NPHP3: variants seen among roughly 807,000 people sequenced by gnomAD.
The protein encoded by NPHP3 is nephrocystin 3.
Under a neutral mutation model 171.9 loss-of-function variants are expected in NPHP3, and 123 were observed. The ratio of observed to expected loss-of-function variants is 0.72; its 90% CI spans 0.62 to 0.83. The LOEUF is 0.83. Among genes scored for constraint, NPHP3 ranks in the 40% least tolerant of loss-of-function variants. NPHP3 has a pLI of 0.00. For missense variants in NPHP3, 1,506 were observed against 1,591.9 expected (o/e 0.95, Z 0.92); for synonymous variants, 558 against 579.2 (o/e 0.96, Z 0.52).
chr3:132,683,622 T>A lies in NPHP3; in HGVS notation c.3571-98A>T. ...GTAAAATTTCATATTAAAGGGTAAT[T>A]TTGAGGGAAAAAAATCTCAGAAGCA... On this transcript the variant is annotated intron_variant, in intron 24 of 26. Transcript: ENST00000337331. 3 of 962,166 alleles carry A rather than the reference T, an allele frequency of 3.1e-6. No individual in the cohort carries two copies. In the South Asian group the frequency reaches 4.8e-5, roughly 15 times the overall value. The allele number at this position is 962,166 out of a possible 1,614,324, so 59.6% of individuals were successfully genotyped here.
intron 3 of NPHP3, chr3:132,718,237 A>G (rs1940110155): frequency 3.6e-6 from 1 of 277,552 alleles, no homozygotes; most frequent in East Asian, 1.4e-4. Flanking sequence ...TTTCCACTGC[A>G]TTTTAAAATA....
intron 10 of NPHP3, among the ~76,000 whole-genome samples, 177 bp from the exon 11 acceptor site, chr3:132,700,625 T>C (rs1364997694): frequency 6.6e-6 from 1 of 152,196 alleles, no homozygotes; most frequent in Non-Finnish European, 1.5e-5. Flanking sequence ...TCCTTCTAAA[T>C]AATCTTTTAA....
At chr3:132,697,008 T>C (rs1452857173) in intron 14 of NPHP3, among the ~76,000 whole-genome samples, 195 bp from the exon 15 acceptor site, 4 of 152,230 alleles carry the variant, frequency 2.6e-5, no homozygotes, top group Non-Finnish European at 5.9e-5. Flanking sequence ...ATATGGCCAG[T>C]ATGAAAATGC....
chr3:132,687,135 A>G lies in NPHP3; in HGVS notation c.3201+16T>C. On this transcript the variant is annotated intron_variant, in intron 22 of 26. Transcript: ENST00000337331. ...TCTTACGTTCAAAACACAACACAAA[A>G]GAAATCTCTCCTTACCAAGTTGCCT... 7.8e-7 allele frequency: 1 copy of G among 1,289,984 alleles called. No individual in the cohort carries two copies. The highest frequency in any genetic ancestry group is 1.1e-6 in the Non-Finnish European group (1 of 887,250). The allele number at this position is 1,289,984 out of a possible 1,614,324, so 79.9% of individuals were successfully genotyped here. A position where few individuals can be genotyped will look rare whatever the true frequency, so the allele number is the denominator to read the frequency against.
At chr3:132,716,050 A>T (rs1940041802) in intron 4 of NPHP3, among the ~76,000 whole-genome samples, 1 of 132,118 alleles carries the variant, frequency 7.6e-6, no homozygotes, top group African/African-American at 3.1e-5. Context: ...CCAACACAAC[A>T]TTGTAAGACT....
intron 24 of NPHP3, 33 bp from the exon 25 acceptor site, chr3:132,683,557 T>C: frequency 6.4e-7 from 1 of 1,571,476 alleles, no homozygotes; most frequent in Non-Finnish European, 8.7e-7. Flanking sequence ...AACAAAAATA[T>C]AAGGCAATAA....
intron 7 of NPHP3, 27 bp downstream of exon 7, chr3:132,708,073 GT>G (rs1009652762): frequency 6.2e-7 from 1 of 1,611,630 alleles, no homozygotes; most frequent in African/African-American, 1.3e-5. Context: ...AGCTAAGTGT[GT>G]TTTTCAAAAA....
chr3:132,704,193 C>G lies in NPHP3; in HGVS notation c.1524+5G>C. 6.2e-7 allele frequency: 1 copy of G among 1,614,020 alleles called. No individual in the cohort carries two copies. The highest frequency in any genetic ancestry group is 8.5e-7 in the Non-Finnish European group (1 of 1,179,864). On this transcript the variant is annotated splice_donor_5th_base_variant and intron_variant, in intron 9 of 26. Coordinates refer to ENST00000337331, the MANE Select transcript of NPHP3 (RefSeq NM_153240.5). ...CTTTGTTGCAATAATACTCCAAGCA[C>G]TTACTTTCTCAAATCCCAACTCATG... is the stretch of plus-strand genomic sequence containing the variant.
Position 132,694,969 on chromosome 3 carries a change from T to G in NPHP3, c.2172-4A>C, listed in dbSNP as rs375032661. 4 of 1,613,670 alleles carry G rather than the reference T, an allele frequency of 2.5e-6. No individual in the cohort carries two copies. The South Asian group carries it at 4.4e-5, about 18-fold the overall frequency. On this transcript the variant is annotated splice_region_variant and splice_polypyrimidine_tract_variant and intron_variant, in intron 15 of 26. Coordinates refer to ENST00000337331, the MANE Select transcript of NPHP3 (RefSeq NM_153240.5). The stretch of plus-strand genomic sequence containing the variant: ...TAAATTGCCTGCTCTCCCAGCACTG[T>G]TGGAATCGAGAAGAGATTTAATTTC...
intron 13 of NPHP3, among the ~76,000 whole-genome samples, chr3:132,697,679 T>C (rs1939491960): frequency 6.6e-6 from 1 of 152,202 alleles, no homozygotes; most frequent in Admixed American, 6.5e-5. Context: ...TGAGTATCTA[T>C]GAGGAGTGGC....
chr3:132,696,751 A>C lies in NPHP3; in HGVS notation c.2151T>G (p.Leu717=). 6.2e-7 allele frequency: 1 copy of C among 1,614,158 alleles called. No homozygotes were observed. Among genetic ancestry groups the C allele is most frequent in the African/African-American group, 1.3e-5 (1 of 75,052 alleles). The stretch of plus-strand genomic sequence containing the variant: ...CTCACCGCGCGATCATTTTGCCGAA[A>C]AGGGTGACATAAAGGGCATTGCAGG... ...ATTCNALYVT[L]FGKMIARAGR... is the part of the protein sequence containing the mutation. Residue 717 remains leucine, a synonymous_variant, in exon 15 of 27, where the codon CTT becomes CTG. Transcript: ENST00000337331.
chr3:132,699,865 G>A (rs770920135), intron 12 of NPHP3, 53 bp downstream of exon 12: 8 of 1,579,148 alleles, frequency 5.1e-6, no homozygotes, highest in East Asian at 2.2e-5. Context: ...AGCTATTACT[G>A]AATTTACATC....
At chr3:132,690,911 C>T (rs1385776434) in intron 18 of NPHP3, among the ~76,000 whole-genome samples, 1 of 151,950 alleles carries the variant, frequency 6.6e-6, no homozygotes, top group Non-Finnish European at 1.5e-5. Flanking sequence ...CTCAATGGAC[C>T]CGTATATACA....
In NPHP3 at chr3:132,719,124, T is replaced by C. The variant is rs1337483799; in HGVS notation, c.540A>G (p.Glu180=). ...CCCTCAGTAAGTCCTGAATTTCATT[T>C]TCTTTGGTCTCCCTAAAAATCTTTA... ...RQFKIFRETK[E]NEIQDLLRAK... Residue 180 remains glutamate, a synonymous_variant, in exon 3 of 27, where the codon GAA becomes GAG. Coordinates refer to ENST00000337331, the MANE Select transcript of NPHP3 (RefSeq NM_153240.5). 1.2e-6 allele frequency: 2 copies of C among 1,611,588 alleles called. No homozygotes were observed. The highest frequency in any genetic ancestry group is 1.7e-6 in the Non-Finnish European group (2 of 1,179,100).
rs139196419 is a variant in NPHP3 at position 132,688,862 on chromosome 3, C to T, written c.2913G>A (p.Glu971=). 2 of 1,614,058 alleles carry T rather than the reference C, an allele frequency of 1.2e-6. No individual in the cohort carries two copies. The highest frequency in any genetic ancestry group is 1.7e-5 in the Admixed American group (1 of 60,004). ...QAIVPLQRSL[E]IRETALDPDH... ...CGGGATCTAAAGCTGTTTCTCGAAT[C>T]TCTAAAGACCTCTGCAAAGGTACTA... is the stretch of plus-strand genomic sequence containing the variant. The change falls in exon 21 of 27, where the codon GAG becomes GAA. Residue 971 remains glutamate (E), a synonymous_variant. Transcript: ENST00000337331.
chr3:132,707,991 C>A, intron 7 of NPHP3, 110 bp downstream of exon 7: 2 of 1,030,058 alleles, frequency 1.9e-6, no homozygotes, highest in Non-Finnish European at 3.0e-6. Context: ...TCCAGCCACA[C>A]TGGTTTCTCT....
Position 132,705,883 on chromosome 3 carries a change from T to C in NPHP3, c.1276-69A>G, listed in dbSNP as rs1939734371. On this transcript the variant is annotated intron_variant, in intron 7 of 26. Coordinates refer to ENST00000337331, the MANE Select transcript of NPHP3 (RefSeq NM_153240.5). The stretch of plus-strand genomic sequence containing the variant: ...CAGAAGGAAGTGGTGGTAAATACTT[T>C]TATACTGCTTATGTGACAGGAACTA... 7.5e-6 allele frequency: 6 copies of C among 798,670 alleles called. No homozygotes were observed. In the East Asian group the frequency reaches 1.5e-4, roughly 20 times the overall value. The allele number at this position is 798,670 out of a possible 1,614,324, so 49.5% of individuals were successfully genotyped here.
At chr3:132,703,611 G>T (rs181623049) in intron 9 of NPHP3, among the ~76,000 whole-genome samples, 152 of 131,254 alleles carry the variant, frequency 1.2e-3, no homozygotes, top group African/African-American at 3.9e-3. Flanking sequence ...ACAGGGTCTT[G>T]CTCTGTTACC....
At chr3:132,702,688 T>C (rs1939644362) in intron 9 of NPHP3, among the ~76,000 whole-genome samples, 1 of 152,344 alleles carries the variant, frequency 6.6e-6, no homozygotes, top group Non-Finnish European at 1.5e-5. Flanking sequence ...TTACTTGGTA[T>C]AGTTTTTCAA....
Sources: allele counts gnomAD v4.1 joint callset (sites outside exome capture counted in the v4.1 genomes callset), GRCh38; gene constraint gnomAD v4.1.1; transcripts MANE v1.5; gene names NCBI Gene and HGNC (gene_info 2026-07-23, HGNC 2026-07-21).